The following GLG1 variants were observed in gnomAD, a reference collection of about 807,000 sequenced individuals.
The protein encoded by GLG1 is Golgi apparatus protein 1.
Under a neutral mutation model 160.5 loss-of-function variants are expected in GLG1, and 38 were observed. That is an observed-to-expected ratio of 0.24 (90% CI 0.18 to 0.31). GLG1 has a LOEUF of 0.31. Among genes scored for constraint, GLG1 ranks in the 10% least tolerant of loss-of-function variants. The probability of loss-of-function intolerance (pLI) is 1.00; values close to 1 mark genes in which losing one functional copy is unlikely to be tolerated. For synonymous variants in GLG1, 644 were observed against 543.4 expected (o/e 1.19, Z -2.57); for missense variants, 1,373 against 1,505.2 (o/e 0.91, Z 1.45).
chr16:74,524,720 G>C (rs566885329), intron 2 of GLG1, among the ~76,000 whole-genome samples: 33 of 152,180 alleles, frequency 2.2e-4, no homozygotes, highest in African/African-American at 7.5e-4. Context: ...ATGGGGGCTG[G>C]TTATACTACT....
intron 24 of GLG1, among the ~76,000 whole-genome samples, chr16:74,457,329 G>C (rs529845647): frequency 6.6e-6 from 1 of 152,122 alleles, no homozygotes. Context: ...CCCAGGAGGC[G>C]GAGGTTGCAG....
At chr16:74,588,863 A>C (rs533886157) in intron 1 of GLG1, among the ~76,000 whole-genome samples, 2 of 152,332 alleles carry the variant, frequency 1.3e-5, no homozygotes, top group Admixed American at 6.5e-5. Context: ...CCATAAACTG[A>C]AAGCTAAATA....
At chr16:74,542,530 G>C (rs2017901512) in intron 1 of GLG1, among the ~76,000 whole-genome samples, 1 of 151,630 alleles carries the variant, frequency 6.6e-6, no homozygotes, top group Non-Finnish European at 1.5e-5. Context: ...AATTAGCTGG[G>C]CATGGTAGCA....
Position 74,463,304 on chromosome 16 carries a change from A to C in GLG1, c.2791+52T>G, listed in dbSNP as rs199952385. On this transcript the variant is annotated intron_variant, in intron 20 of 25. Transcript: ENST00000422840. The stretch of plus-strand genomic sequence containing the variant: ...TGAGCAGGTCACTCTACAGCCACTG[A>C]ATTCCTTTTCAGATACTCCACGGGG... The C allele has an allele frequency of 2.9e-5, 46 of 1,591,398 alleles. No individual in the cohort carries two copies. In the South Asian group the frequency reaches 4.9e-4, roughly 17 times the overall value.
chr16:74,579,758 G>C (rs1446180418), intron 1 of GLG1, among the ~76,000 whole-genome samples: 1 of 146,918 alleles, frequency 6.8e-6, no homozygotes, highest in Admixed American at 6.9e-5. Context: ...ACCCTCAAGA[G>C]ATCTTCATAT....
At position 74,450,487 on chromosome 16, in the gene GLG1, G is replaced by A. The variant is rs1369157465; in HGVS notation, c.*2680C>T. 5.9e-5 allele frequency: 9 copies of A among 152,210 alleles called. No homozygotes were observed. Among genetic ancestry groups the A allele is most frequent in the Admixed American group, 5.9e-4 (9 of 15,290 alleles). The allele number at this position is 152,210 out of a possible 1,614,324, so 9.4% of individuals were successfully genotyped here. A position where few individuals can be genotyped will look rare whatever the true frequency, so the allele number is the denominator to read the frequency against. On this transcript the variant is annotated 3_prime_UTR_variant, in exon 26 of 26. Transcript: ENST00000422840. Reference sequence around the variant, plus strand: ...AAATGCTCCAAGTAAGATGATGAAAGACATTCTTGTAATAAGTAATTGAAG... The same window carrying A: ...AAATGCTCCAAGTAAGATGATGAAAAACATTCTTGTAATAAGTAATTGAAG...
At chr16:74,519,527 C>T (rs1215768187) in intron 2 of GLG1, among the ~76,000 whole-genome samples, 1 of 148,502 alleles carries the variant, frequency 6.7e-6, no homozygotes, top group Non-Finnish European at 1.5e-5. Context: ...GCAATACATA[C>T]TTGATATTGA....
chr16:74,498,428 T>C (rs1462261859), intron 4 of GLG1, among the ~76,000 whole-genome samples: 5 of 7,000 alleles, frequency 7.1e-4, no homozygotes, highest in Non-Finnish European at 2.1e-3. Flanking sequence ...TGCAAGGCTC[T>C]GTCTCAAAAA....
chr16:74,515,459 G>C (rs2016948555), intron 2 of GLG1, among the ~76,000 whole-genome samples: 1 of 152,152 alleles, frequency 6.6e-6, no homozygotes, highest in Non-Finnish European at 1.5e-5. Flanking sequence ...TCAGACCACA[G>C]TGCAATCAAA....
At chr16:74,484,260 T>C (rs1400759111) in intron 9 of GLG1, among the ~76,000 whole-genome samples, 2 of 152,170 alleles carry the variant, frequency 1.3e-5, no homozygotes, top group African/African-American at 2.4e-5. Context: ...TGTTGTTGGG[T>C]ATGGCCAAAT....
intron 1 of GLG1, among the ~76,000 whole-genome samples, chr16:74,544,149 A>G (rs2017978087): frequency 6.6e-6 from 1 of 152,232 alleles, no homozygotes; most frequent in Admixed American, 6.5e-5. Context: ...CATCTCCATT[A>G]ACGGAAAAAC....
intron 13 of GLG1, chr16:74,472,839 G>C: frequency 3.1e-6 from 1 of 325,746 alleles, no homozygotes. Flanking sequence ...ACTGTTACTG[G>C]GGAACACATA....
intron 7 of GLG1, among the ~76,000 whole-genome samples, chr16:74,492,696 G>A (rs751843973): frequency 1.5e-4 from 23 of 152,008 alleles, no homozygotes; most frequent in Non-Finnish European, 2.8e-4. Context: ...GCACTCGCCT[G>A]TAATCCCAGC....
At chr16:74,583,511 C>T (rs1957982194) in intron 1 of GLG1, among the ~76,000 whole-genome samples, 1 of 152,102 alleles carries the variant, frequency 6.6e-6, no homozygotes, top group African/African-American at 2.4e-5. Context: ...TCCCTAGTAG[C>T]TGGGATTACA....
rs1298055127 is a variant in GLG1, at chr16:74,606,744, G to A, written c.351C>T (p.Ser117=). Residue 117 remains serine, a synonymous_variant, in exon 1 of 26, where the codon TCC becomes TCT. Transcript: ENST00000422840. ...GGGWKLAEEE[S]CREDVTRVCP... ...ACACGCGGGTCACGTCCTCCCTGCAGGACTCTTCCTCCGCCAGCTTCCAGC... is the reference window on the plus strand; with the variant it reads ...ACACGCGGGTCACGTCCTCCCTGCAAGACTCTTCCTCCGCCAGCTTCCAGC... 2 of 1,613,374 alleles carry A rather than the reference G, an allele frequency of 1.2e-6. No homozygotes were observed. The highest frequency in any genetic ancestry group is 1.1e-5 in the South Asian group (1 of 91,020).
chr16:74,452,814 T>C lies in GLG1; in HGVS notation c.*353A>G. 9.9e-7 allele frequency: 1 copy of C among 1,013,238 alleles called. No homozygotes were observed. The highest frequency in any genetic ancestry group is 1.2e-6 in the Non-Finnish European group (1 of 848,390). 62.8% of individuals were successfully genotyped at this position (1,013,238 alleles called of 1,614,324 possible). On this transcript the variant is annotated 3_prime_UTR_variant, in exon 26 of 26. Coordinates refer to ENST00000422840, the MANE Select transcript of GLG1 (RefSeq NM_001145667.2). ...ATTTTTTTCTTTAAAAAAATTTTTT[T>C]TTTTGGTGGTTTTCTTAAAAAAGCC...
chr16:74,577,293 G>A (rs1440643681), intron 1 of GLG1, among the ~76,000 whole-genome samples: 4 of 151,938 alleles, frequency 2.6e-5, no homozygotes, highest in East Asian at 1.9e-4. Context: ...AGGCCACGGC[G>A]GGTGGATCAC....
rs918386742 is a variant in GLG1, at chr16:74,494,414, T to G, written c.1050+346A>C. Among the ~76,000 whole-genome samples, 391 of 143,702 alleles carry G rather than the reference T, an allele frequency of 2.7e-3. 4 individuals carry two copies. Among genetic ancestry groups the G allele is most frequent in the Admixed American group, 0.026 (374 of 14,374 alleles). 94.3% of individuals were successfully genotyped at this position (143,702 alleles called of 152,430 possible). A position where few individuals can be genotyped will look rare whatever the true frequency, so the allele number is the denominator to read the frequency against. ...AGAAATTGAGAAAGCTTTTTTTTTT[T>G]TTTTTTTTTTGAGACAGAGTCTCAC... On this transcript the variant is annotated intron_variant, in intron 6 of 25. Coordinates refer to ENST00000422840, the MANE Select transcript of GLG1 (RefSeq NM_001145667.2).
intron 17 of GLG1, chr16:74,468,499 G>C (rs1311586474): frequency 6.2e-6 from 1 of 161,144 alleles, no homozygotes; most frequent in Non-Finnish European, 1.4e-5. Flanking sequence ...GCCTCCCAAA[G>C]TGCTGGAATT....
Sources: gnomAD v4.1 joint callset for allele counts (sites outside exome capture counted in the v4.1 genomes callset) on GRCh38, gnomAD v4.1.1 for gene constraint, MANE v1.5 for transcripts, NCBI Gene and HGNC (gene_info 2026-07-23, HGNC 2026-07-21) for gene names.